TDRD3: variants seen among roughly 807,000 people sequenced by gnomAD.
TDRD3 encodes the protein tudor domain containing 3.
In TDRD3, 45 loss-of-function variants were observed where a neutral mutation model predicts 86.7. That is an observed-to-expected ratio of 0.52 (90% CI 0.41 to 0.67). The LOEUF (loss-of-function observed/expected upper bound fraction) is 0.67, where lower values mean the gene tolerates loss of function less well. Ranked by LOEUF, TDRD3 falls within the 30% of genes least tolerant of loss-of-function variation. TDRD3 has a pLI of 0.00. For synonymous variants in TDRD3, 298 were observed against 301.7 expected, an observed-to-expected ratio of 0.99 and a Z score of 0.13; for missense variants, 814 against 889.0, an observed-to-expected ratio of 0.92 and a Z score of 1.07.
intron 1 of TDRD3, among the ~76,000 whole-genome samples, chr13:60,412,293 G>C (rs1174911579): frequency 6.6e-6 from 1 of 152,168 alleles, no homozygotes; most frequent in African/African-American, 2.4e-5. Flanking sequence ...CGGTAAATTT[G>C]AGTGAATTGG....
At chr13:60,404,372 G>A (rs1247008027) in intron 1 of TDRD3, among the ~76,000 whole-genome samples, 2 of 144,168 alleles carry the variant, frequency 1.4e-5, no homozygotes, top group South Asian at 2.3e-4. Context: ...GTGCAGTGGC[G>A]GGATCTCGGC....
intron 8 of TDRD3, among the ~76,000 whole-genome samples, chr13:60,504,144 T>G (rs185765819): frequency 6.6e-6 from 1 of 152,262 alleles, no homozygotes; most frequent in Admixed American, 6.5e-5. Context: ...TCTAGGTTTA[T>G]CTTATCAAAT....
intron 3 of TDRD3, among the ~76,000 whole-genome samples, chr13:60,455,649 G>A (rs1015777028): frequency 2.0e-5 from 3 of 152,136 alleles, no homozygotes; most frequent in Non-Finnish European, 4.4e-5. Flanking sequence ...ACATTGATTG[G>A]AACTGAATCA....
intron 12 of TDRD3, among the ~76,000 whole-genome samples, chr13:60,548,164 G>A (rs555896623): frequency 6.6e-6 from 1 of 152,264 alleles, no homozygotes; most frequent in Admixed American, 6.5e-5. Flanking sequence ...ATAAGAATTT[G>A]GTGGCTATTT....
intron 3 of TDRD3, among the ~76,000 whole-genome samples, chr13:60,452,965 G>A (rs780394377): frequency 1.3e-5 from 2 of 151,764 alleles, no homozygotes; most frequent in Non-Finnish European, 1.5e-5. Context: ...CTTTGTTAAT[G>A]TTGTTATTGT....
chr13:60,446,917 G>A (rs777516628), intron 3 of TDRD3, among the ~76,000 whole-genome samples: 8 of 152,094 alleles, frequency 5.3e-5, no homozygotes, highest in Non-Finnish European at 1.0e-4. Context: ...CTACTGATCC[G>A]TTACTTACTA....
At position 60,562,206 on chromosome 13, in the gene TDRD3, G is replaced by A. The variant is rs753714062; in HGVS notation, c.2119-5319G>A. Among the ~76,000 whole-genome samples, 77 of 151,900 alleles carry A rather than the reference G, an allele frequency of 5.1e-4. 1 individual carries two copies. Among genetic ancestry groups the A allele is most frequent in the Non-Finnish European group, 4.7e-4 (32 of 67,970 alleles). ...TGCGTGCCTGTAATTCCAGCTACTC[G>A]GGAGGCTGAGACAGAAGAATAGCTT... On this transcript the variant is annotated intron_variant, in intron 12 of 13. Coordinates refer to ENST00000377881, the MANE Select transcript of TDRD3 (RefSeq NM_001146070.2).
chr13:60,469,855 T>TA (rs1956038521), intron 5 of TDRD3, among the ~76,000 whole-genome samples: 1 of 152,186 alleles, frequency 6.6e-6, no homozygotes, highest in South Asian at 2.1e-4. Flanking sequence ...AACTGTAGAT[T>TA]AAAAAATGTT....
intron 10 of TDRD3, among the ~76,000 whole-genome samples, chr13:60,513,449 A>G (rs1404334949): frequency 1.3e-5 from 2 of 152,206 alleles, no homozygotes; most frequent in African/African-American, 4.8e-5. Flanking sequence ...TTTCTCAGAA[A>G]ATGGGATTTT....
chr13:60,484,548 A>G (rs1369441954), intron 6 of TDRD3: 3 of 364,148 alleles, frequency 8.2e-6, no homozygotes, highest in South Asian at 2.2e-5. Context: ...TGTGTGTCCA[A>G]ATTTTGGTAT....
At chr13:60,558,229 T>G (rs1958246590) in intron 12 of TDRD3, among the ~76,000 whole-genome samples, 2 of 152,216 alleles carry the variant, frequency 1.3e-5, no homozygotes, top group African/African-American at 4.8e-5. Flanking sequence ...TGTTTTAGCA[T>G]TAAAAGCATT....
intron 7 of TDRD3, among the ~76,000 whole-genome samples, chr13:60,491,923 T>G (rs1043809980): frequency 6.6e-6 from 1 of 152,070 alleles, no homozygotes; most frequent in African/African-American, 2.4e-5. Flanking sequence ...TAGGGAAATA[T>G]GGTAAGATTG....
chr13:60,401,984 G>T (rs1480922049), intron 1 of TDRD3, among the ~76,000 whole-genome samples: 2 of 152,164 alleles, frequency 1.3e-5, no homozygotes, highest in Non-Finnish European at 2.9e-5. Context: ...AGTGATTATT[G>T]CACTCTTGTA....
intron 11 of TDRD3, among the ~76,000 whole-genome samples, chr13:60,533,756 T>G (rs1749438618): frequency 6.6e-6 from 1 of 152,204 alleles, no homozygotes; most frequent in Admixed American, 6.5e-5. Flanking sequence ...CATTTCACCT[T>G]TCCTAAGCAA....
At chr13:60,435,518 G>A (rs1220831812) in intron 1 of TDRD3, among the ~76,000 whole-genome samples, 1 of 152,158 alleles carries the variant, frequency 6.6e-6, no homozygotes, top group African/African-American at 2.4e-5. Flanking sequence ...AGAACATTAA[G>A]TATTTGGTTT....
chr13:60,401,489 G>A (rs2137793214), intron 1 of TDRD3, among the ~76,000 whole-genome samples: 1 of 152,256 alleles, frequency 6.6e-6, no homozygotes, highest in Admixed American at 6.5e-5. Context: ...GATACTGAGG[G>A]ATGACTGTAT....
chr13:60,488,744 T>C (rs917406773), intron 7 of TDRD3, among the ~76,000 whole-genome samples: 1 of 151,870 alleles, frequency 6.6e-6, no homozygotes. Context: ...TGGCTAATTC[T>C]TTTTTTGTAT....
intron 1 of TDRD3, among the ~76,000 whole-genome samples, chr13:60,417,641 G>A (rs574950413): frequency 1.6e-4 from 24 of 152,104 alleles, no homozygotes; most frequent in African/African-American, 5.3e-4. Flanking sequence ...CACACTGGCC[G>A]ATTTAAACTA....
intron 1 of TDRD3, among the ~76,000 whole-genome samples, chr13:60,400,109 A>G (rs1470056275): frequency 6.6e-6 from 1 of 152,240 alleles, no homozygotes; most frequent in Non-Finnish European, 1.5e-5. Flanking sequence ...TCTACAGAGT[A>G]GTGATAATGT....
Sources: gnomAD v4.1 joint callset for allele counts (sites outside exome capture counted in the v4.1 genomes callset) on GRCh38, gnomAD v4.1.1 for gene constraint, MANE v1.5 for transcripts, NCBI Gene and HGNC (gene_info 2026-07-23, HGNC 2026-07-21) for gene names.